SMARCA4: variants seen among roughly 807,000 people sequenced by gnomAD.
SMARCA4 encodes SWI/SNF related BAF chromatin remodeling complex subunit ATPase 4.
A neutral mutation model predicts 193.9 loss-of-function variants in SMARCA4; 31 were observed. That is an observed-to-expected ratio of 0.16 (90% CI 0.12 to 0.22). The LOEUF is 0.22. SMARCA4 is among the 10% of genes least tolerant of loss of function. The probability of loss-of-function intolerance (pLI) is 1.00; values close to 1 mark genes in which losing one functional copy is unlikely to be tolerated. For synonymous variants in SMARCA4, 942 were observed against 933.1 expected (o/e 1.01, Z -0.17); for missense variants, 1,148 against 2,296.0 (o/e 0.50, Z 10.22).
intron 14 of SMARCA4, chr19:11,008,329 A>C: frequency 2.6e-6 from 1 of 377,560 alleles, no homozygotes; most frequent in South Asian, 2.1e-5. Flanking sequence ...CCCTGGGGAA[A>C]CTTTCCAGCC....
Position 10,996,278 on chromosome 19 carries a change from C to T in SMARCA4, c.1659C>T (p.Leu553=). 1 of 1,614,246 alleles carries T rather than the reference C, an allele frequency of 6.2e-7. No individual in the cohort carries two copies. The highest frequency in any genetic ancestry group is 8.5e-7 in the Non-Finnish European group (1 of 1,180,030). ...DQKKDKRLAY[L]LQQTDEYVAN... ...AGAAGGACAAGCGCCTGGCCTACCT[C>T]TTGCAGCAGACAGACGAGTACGTGG... The change falls in exon 10 of 35, where the codon CTC becomes CTT. Residue 553 remains leucine, a synonymous_variant. Transcript: ENST00000344626.
chr19:10,974,042 T>C (rs1163312373), intron 1 of SMARCA4, among the ~76,000 whole-genome samples: 1 of 152,148 alleles, frequency 6.6e-6, no homozygotes, highest in East Asian at 1.9e-4. Context: ...GTGAACAAAT[T>C]TCCCCAAGCC....
At chr19:11,056,332 G>A (rs954949034) in intron 30 of SMARCA4, 19 of 152,286 alleles carry the variant, frequency 1.2e-4, no homozygotes, top group African/African-American at 4.1e-4. Context: ...TAGGAAAAAG[G>A]AAGCCTGTGC....
rs933315808 is a variant in SMARCA4, at chr19:10,975,887, G to A, written c.-31-8234G>A. Among the ~76,000 whole-genome samples, 15 of 152,210 alleles carry A rather than the reference G, an allele frequency of 9.9e-5. 1 individual carries two copies. Among genetic ancestry groups the A allele is most frequent in the Non-Finnish European group, 7.4e-5 (5 of 68,016 alleles). ...TCTGTTTTCTCCTTGTGGAGGCCCC[G>A]GCAGCACCCGATCCAAGGGCCGCAC... is the stretch of plus-strand genomic sequence containing the variant. On this transcript the variant is annotated intron_variant, in intron 1 of 34. Coordinates refer to ENST00000344626, the MANE Select transcript of SMARCA4 (RefSeq NM_003072.5).
In SMARCA4 at chr19:11,012,937, CTGTCCT is replaced by C; in HGVS notation, c.2275-9_2275-4del. The C allele has an allele frequency of 1.2e-6, 2 of 1,614,098 alleles. No homozygotes were observed. The highest frequency in any genetic ancestry group is 1.7e-6 in the Non-Finnish European group (2 of 1,179,978). On this transcript the variant is annotated splice_region_variant and splice_polypyrimidine_tract_variant and intron_variant, in intron 15 of 34. Transcript: ENST00000344626. ...GCCTTCAGTCCTGGCGTGGCCGCAT[CTGTCCT>C]TGCAGATCAAAGGTTTGGAGTGGCT...
At chr19:11,012,830 G>T in intron 15 of SMARCA4, 119 bp from the exon 16 acceptor site, 1 of 854,608 alleles carries the variant, frequency 1.2e-6, no homozygotes, top group Non-Finnish European at 2.0e-6. Flanking sequence ...GGCAGTAGAG[G>T]GTGGGATGTG....
chr19:11,031,137 G>A lies in SMARCA4; in HGVS notation c.3546+244G>A, dbSNP rs2074902516. 8 of 537,984 alleles carry A rather than the reference G, an allele frequency of 1.5e-5. No homozygotes were observed. The highest frequency in any genetic ancestry group is 3.1e-5 in the Admixed American group (1 of 32,212). The allele number at this position is 537,984 out of a possible 1,614,324, so 33.3% of individuals were successfully genotyped here. A position where few individuals can be genotyped will look rare whatever the true frequency, so the allele number is the denominator to read the frequency against. The stretch of plus-strand genomic sequence containing the variant: ...GAAAGCAGTGTATAAGCCATCCGTC[G>A]GTTTGGTTTTTCTTAAATCTTGGAA... On this transcript the variant is annotated intron_variant, in intron 25 of 34. Coordinates refer to ENST00000344626, the MANE Select transcript of SMARCA4 (RefSeq NM_003072.5). The surrounding 1 kb of genome is among the most constrained non-coding windows in gnomAD (Gnocchi z 4.3).
At chr19:11,045,091 C>T (rs971473579) in intron 30 of SMARCA4, among the ~76,000 whole-genome samples, 11 of 152,144 alleles carry the variant, frequency 7.2e-5, no homozygotes, top group African/African-American at 1.7e-4. Context: ...GAGGCCGAGG[C>T]GGGCGGATCA....
At chr19:10,962,441 T>C (rs1336647361) in intron 1 of SMARCA4, among the ~76,000 whole-genome samples, 2 of 152,070 alleles carry the variant, frequency 1.3e-5, no homozygotes, top group African/African-American at 4.8e-5. Flanking sequence ...GCTCTGAACC[T>C]GCACTGTGAG....
chr19:10,983,517 C>T (rs1429061746), intron 1 of SMARCA4: 3 of 153,310 alleles, frequency 2.0e-5, no homozygotes, highest in Non-Finnish European at 4.3e-5. Flanking sequence ...TCACCGCGAT[C>T]TCCGTCTCCC....
At chr19:10,996,462 C>A (rs1229627771) in intron 10 of SMARCA4, 32 bp from the exon 11 acceptor site, 5 of 1,613,930 alleles carry the variant, frequency 3.1e-6, no homozygotes, top group Admixed American at 1.7e-5. Flanking sequence ...CCTTGTGGGT[C>A]AGGGCCTGAC....
At chr19:10,962,627 C>A (rs192979299) in intron 1 of SMARCA4, among the ~76,000 whole-genome samples, 31 of 152,046 alleles carry the variant, frequency 2.0e-4, no homozygotes, top group Non-Finnish European at 3.5e-4. Context: ...ACTGTAACCT[C>A]CGCCTCCTGG....
At chr19:10,989,270 G>A (rs2086340297) in intron 6 of SMARCA4, 47 bp from the exon 7 acceptor site, 3 of 1,611,682 alleles carry the variant, frequency 1.9e-6, no homozygotes, top group Non-Finnish European at 1.7e-6. Flanking sequence ...GTAACTGGGT[G>A]CCCTGGCAAC....
At position 11,041,249 on chromosome 19, in the gene SMARCA4, G is replaced by T. The variant is rs2146809423; in HGVS notation, c.4171-58G>T. 13 of 1,557,378 alleles carry T rather than the reference G, an allele frequency of 8.3e-6. No individual in the cohort carries two copies. Among genetic ancestry groups the T allele is most frequent in the Non-Finnish European group, 1.1e-5 (13 of 1,151,722 alleles). On this transcript the variant is annotated intron_variant, in intron 29 of 34. Coordinates refer to ENST00000344626, the MANE Select transcript of SMARCA4 (RefSeq NM_003072.5). This position sits in a 1 kb window ranked among gnomAD's most constrained non-coding sequence, Gnocchi z 5.6. ...GCCCGGCCCCTGGGATTGCGTCGCG[G>T]CCTCTGCTTGTCGACCTGGGTGCTG...
intron 29 of SMARCA4, chr19:11,039,499 G>A: frequency 6.2e-7 from 1 of 1,601,462 alleles, no homozygotes; most frequent in Non-Finnish European, 8.5e-7. Context: ...CCAGCAGTGT[G>A]GCACGTGGGC....
chr19:10,990,503 C>T lies in SMARCA4; in HGVS notation c.1246-647C>T, dbSNP rs1442245261. Among the ~76,000 whole-genome samples, 4 of 152,196 alleles carry T rather than the reference C, an allele frequency of 2.6e-5. No individual in the cohort carries two copies. In the South Asian group the frequency reaches 6.2e-4, roughly 24 times the overall value. On this transcript the variant is annotated intron_variant, in intron 7 of 34. Coordinates refer to ENST00000344626, the MANE Select transcript of SMARCA4 (RefSeq NM_003072.5). ...ATGTTGGCCAGGCTGGTCTTAAACTCCTGACCTCAGGTGATCCTCCTGCCT... is the reference window on the plus strand; with the variant it reads ...ATGTTGGCCAGGCTGGTCTTAAACTTCTGACCTCAGGTGATCCTCCTGCCT...
intron 18 of SMARCA4, 126 bp from the exon 19 acceptor site, chr19:11,021,599 C>A: frequency 8.2e-7 from 1 of 1,223,190 alleles, no homozygotes; most frequent in Non-Finnish European, 1.2e-6. Context: ...CAGGCCTGTG[C>A]TCTCCACCCA....
chr19:10,978,340 T>C (rs1163962152), intron 1 of SMARCA4, among the ~76,000 whole-genome samples: 3 of 152,140 alleles, frequency 2.0e-5, no homozygotes, highest in African/African-American at 7.2e-5. Flanking sequence ...TCTCTTTTTT[T>C]CTGTTTGTTG....
rs145782178 is a variant in SMARCA4, at chr19:10,974,784, G to A, written c.-31-9337G>A. 2.0e-3 allele frequency among the ~76,000 whole-genome samples: 253 copies of A among 123,958 alleles called. 5 individuals carry two copies. In the East Asian group the frequency reaches 0.061, roughly 30 times the overall value. 81.3% of individuals were successfully genotyped at this position (123,958 alleles called of 152,430 possible). On this transcript the variant is annotated intron_variant, in intron 1 of 34. Coordinates refer to ENST00000344626, the MANE Select transcript of SMARCA4 (RefSeq NM_003072.5). ...AGCTGTGGTGCGATCTTGGCTCACC[G>A]CAACCTCTGGCTGCTGGGTTCAAGT...
Sources: gnomAD v4.1 joint callset for allele counts (sites outside exome capture counted in the v4.1 genomes callset) on GRCh38, gnomAD v4.1.1 for gene constraint, Gnocchi (gnomAD v3.1) non-coding constraint, MANE v1.5 for transcripts, NCBI Gene and HGNC (gene_info 2026-07-23, HGNC 2026-07-21) for gene names.